Variants in DGKB observed in about 807,000 individuals in gnomAD.
The protein encoded by DGKB is 90 kDa diacylglycerol kinase.
DGKB carries 67 observed loss-of-function variants against 114.3 expected under a neutral mutation model. That is an observed-to-expected ratio of 0.59 (90% CI 0.48 to 0.72). The LOEUF (loss-of-function observed/expected upper bound fraction) is 0.72. Ranked by LOEUF, DGKB falls within the 30% of genes least tolerant of loss-of-function variation. The pLI is 0.00. For missense variants in DGKB, 907 were observed against 975.2 expected, an observed-to-expected ratio of 0.93 and a Z score of 0.93; for synonymous variants, 398 against 323.1, an observed-to-expected ratio of 1.23 and a Z score of -2.49.
intron 2 of DGKB, among the ~76,000 whole-genome samples, chr7:14,826,632 G>C (rs1232734741): frequency 6.6e-6 from 1 of 152,202 alleles, no homozygotes; most frequent in East Asian, 1.9e-4. Flanking sequence ...CATCTGATTT[G>C]AACCATGACC....
intron 20 of DGKB, among the ~76,000 whole-genome samples, chr7:14,504,510 C>T (rs1786709769): frequency 6.6e-6 from 1 of 152,096 alleles, no homozygotes; most frequent in Non-Finnish European, 1.5e-5. Context: ...TATTTTTTCC[C>T]TATAGCTTTT....
Position 14,688,965 on chromosome 7 carries a change from T to C in DGKB, c.712-3603A>G, listed in dbSNP as rs1822213194. Among the ~76,000 whole-genome samples, 5 of 151,934 alleles carry C rather than the reference T, an allele frequency of 3.3e-5. No individual in the cohort carries two copies. The South Asian group carries it at 1.0e-3, about 31-fold the overall frequency. On this transcript the variant is annotated intron_variant, in intron 9 of 25. Coordinates refer to ENST00000402815, the MANE Select transcript of DGKB (RefSeq NM_001350709.2). ...TCAAGTGAACTAGGGCTACTATAAA[T>C]AATTTTTTTTCAGAAGACCTCAAGG...
At chr7:14,437,124 C>A (rs907532257) in intron 21 of DGKB, among the ~76,000 whole-genome samples, 4 of 151,930 alleles carry the variant, frequency 2.6e-5, no homozygotes, top group African/African-American at 9.7e-5. Flanking sequence ...AAATATTTTC[C>A]TGGGAGCCAC....
In DGKB at chr7:14,148,368, G is replaced by A. The variant is rs1323952638; in HGVS notation, c.*763C>T. ...GCACATAGTTTAAAACTTCTATTTC[G>A]TTATTGGTGTGGTTATGAATTCTCT... On this transcript the variant is annotated 3_prime_UTR_variant, in exon 26 of 26. Transcript: ENST00000402815. 2 of 152,486 alleles carry A rather than the reference G, an allele frequency of 1.3e-5. No homozygotes were observed. Among genetic ancestry groups the A allele is most frequent in the African/African-American group, 2.4e-5 (1 of 41,430 alleles). The allele number at this position is 152,486 out of a possible 1,614,324, so 9.4% of individuals were successfully genotyped here. A position where few individuals can be genotyped will look rare whatever the true frequency, so the allele number is the denominator to read the frequency against.
chr7:14,885,384 C>A (rs1336810787), intron 1 of DGKB, among the ~76,000 whole-genome samples: 7 of 151,754 alleles, frequency 4.6e-5, no homozygotes, highest in Admixed American at 3.9e-4. Flanking sequence ...ATAACAGAAC[C>A]TGGAGTTGTG....
intron 21 of DGKB, among the ~76,000 whole-genome samples, chr7:14,439,053 C>G (rs968651826): frequency 1.3e-5 from 2 of 151,398 alleles, no homozygotes; most frequent in Non-Finnish European, 1.5e-5. Context: ...AACAACATAG[C>G]CAGATGAAAT....
At chr7:14,418,258 A>C (rs1236357509) in intron 21 of DGKB, among the ~76,000 whole-genome samples, 2 of 139,668 alleles carry the variant, frequency 1.4e-5, no homozygotes, top group South Asian at 2.2e-4. Flanking sequence ...TGTATATATT[A>C]TATATGTATA....
chr7:14,680,751 G>A (rs1188534209), intron 12 of DGKB, among the ~76,000 whole-genome samples: 1 of 151,920 alleles, frequency 6.6e-6, no homozygotes, highest in East Asian at 1.9e-4. Flanking sequence ...AGATTAAATA[G>A]AGAAAGAATG....
At chr7:14,953,677 G>A (rs1786335627) in intron 1 of DGKB, among the ~76,000 whole-genome samples, 1 of 152,062 alleles carries the variant, frequency 6.6e-6, no homozygotes. Context: ...AGTTCACCTA[G>A]CAAATCTGCT....
At chr7:14,645,657 T>G (rs1394525256) in intron 13 of DGKB, among the ~76,000 whole-genome samples, 1 of 150,456 alleles carries the variant, frequency 6.6e-6, no homozygotes, top group Non-Finnish European at 1.5e-5. Flanking sequence ...GAAGAAACCA[T>G]ATGGTCAGAA....
In DGKB at chr7:14,794,605, C is replaced by T. The variant is rs560914994; in HGVS notation, c.71-36874G>A. The stretch of plus-strand genomic sequence containing the variant: ...TATGCCCTGAAGTATAGCCTTATCT[C>T]CTAGAGCTGCAGGACTGAAATTGTC... On this transcript the variant is annotated intron_variant, in intron 2 of 25. Transcript: ENST00000402815. Among the ~76,000 whole-genome samples the T allele has an allele frequency of 6.5e-4, 99 of 152,214 alleles. 2 individuals are homozygous for T. In the South Asian group the frequency reaches 0.02, roughly 31 times the overall value.
intron 20 of DGKB, among the ~76,000 whole-genome samples, chr7:14,566,483 G>C (rs559347536): frequency 6.6e-6 from 1 of 152,124 alleles, no homozygotes; most frequent in Non-Finnish European, 1.5e-5. Context: ...AAAGTTGTTT[G>C]TGTCATTTTT....
chr7:14,631,966 T>C (rs1423321252), intron 13 of DGKB, among the ~76,000 whole-genome samples: 1 of 151,946 alleles, frequency 6.6e-6, no homozygotes, highest in African/African-American at 2.4e-5. Flanking sequence ...GAGACTTCAA[T>C]CAGCCTCCAG....
chr7:14,329,883 A>T (rs1461364463), intron 23 of DGKB, among the ~76,000 whole-genome samples: 2 of 152,012 alleles, frequency 1.3e-5, no homozygotes, highest in African/African-American at 2.4e-5. Context: ...TTATATGTCT[A>T]CCACTGGGTA....
intron 2 of DGKB, among the ~76,000 whole-genome samples, chr7:14,806,543 C>T (rs968647940): frequency 3.9e-5 from 6 of 151,964 alleles, no homozygotes; most frequent in Admixed American, 6.6e-5. Context: ...TGAATAGCAT[C>T]GATATTGTTT....
At chr7:14,511,846 G>A (rs1036046654) in intron 20 of DGKB, among the ~76,000 whole-genome samples, 4 of 152,020 alleles carry the variant, frequency 2.6e-5, no homozygotes, top group Admixed American at 1.3e-4. Flanking sequence ...AGGGAGGCCC[G>A]AGAAGAAGGC....
chr7:14,896,217 G>A (rs992841725), intron 1 of DGKB, among the ~76,000 whole-genome samples: 3 of 151,644 alleles, frequency 2.0e-5, no homozygotes, highest in Non-Finnish European at 4.4e-5. Flanking sequence ...CTATGACTAT[G>A]TTTTCAGAAG....
At chr7:14,575,814 C>T (rs1403873180) in intron 19 of DGKB, among the ~76,000 whole-genome samples, 2 of 152,130 alleles carry the variant, frequency 1.3e-5, no homozygotes, top group African/African-American at 4.8e-5. Context: ...ATGCCAGAGG[C>T]TATGAGTCCT....
chr7:14,722,304 G>A lies in DGKB; in HGVS notation c.323-3619C>T, dbSNP rs1211749513. On this transcript the variant is annotated intron_variant, in intron 5 of 25. Transcript: ENST00000402815. ...ATCTCTGAACCTTTCATTTTCTCCC[G>A]GATTTTGCCTTTCCCATAGTGTCAT... is the stretch of plus-strand genomic sequence containing the variant. 8.6e-5 allele frequency among the ~76,000 whole-genome samples: 13 copies of A among 152,038 alleles called. 1 individual carries two copies. The highest frequency in any genetic ancestry group is 1.0e-4 in the Non-Finnish European group (7 of 67,980).
Sources: gnomAD v4.1 joint callset for allele counts (sites outside exome capture counted in the v4.1 genomes callset) on GRCh38, gnomAD v4.1.1 for gene constraint, MANE v1.5 for transcripts, NCBI Gene and HGNC (gene_info 2026-07-23, HGNC 2026-07-21) for gene names.